Variants in SCN10A observed in about 807,000 individuals in gnomAD.
SCN10A encodes the protein sodium voltage-gated channel alpha subunit 10, also known as sodium channel protein type 10 subunit alpha.
Under a neutral mutation model 170.7 loss-of-function variants are expected in SCN10A, and 162 were observed. The observed-to-expected ratio is 0.95, with a 90% CI of 0.84 to 1.08. SCN10A has a LOEUF of 1.08. Ranked by LOEUF, SCN10A falls within the 50% of genes least tolerant of loss-of-function variation. The pLI is 0.00. For synonymous variants in SCN10A, 985 were observed against 904.6 expected (o/e 1.09, Z -1.59); for missense variants, 2,527 against 2,436.9 (o/e 1.04, Z -0.78).
chr3:38,726,629 G>T lies in SCN10A; in HGVS notation c.3064C>A (p.Gln1022Lys). Residue 1022 changes from glutamine (Q) to lysine (K), a missense_variant, in exon 17 of 28, where the codon CAG (glutamine) becomes AAG (lysine). Coordinates refer to ENST00000449082, the MANE Select transcript of SCN10A (RefSeq NM_006514.4). ...DGGEDAQSFQ[Q>K]EVIPKGQQEQ... ...ACCTGTCCTTTGGGGATCACTTCCT[G>T]CTGGAAGCTCTGAGCATCTTCCCCA... 1 of 1,593,312 alleles carries T rather than the reference G, an allele frequency of 6.3e-7. No individual in the cohort carries two copies. Among genetic ancestry groups the T allele is most frequent in the Non-Finnish European group, 8.6e-7 (1 of 1,164,596 alleles).
chr3:38,770,703 C>G (rs2063988699), intron 5 of SCN10A, among the ~76,000 whole-genome samples: 1 of 152,006 alleles, frequency 6.6e-6, no homozygotes, highest in Admixed American at 6.6e-5. Flanking sequence ...TCCCATTTGC[C>G]CCCTGGATTC....
intron 8 of SCN10A, among the ~76,000 whole-genome samples, chr3:38,760,258 C>T (rs2063853772): frequency 6.6e-6 from 1 of 152,174 alleles, no homozygotes. Context: ...CACTGTTTTT[C>T]TGGGAACACT....
intron 3 of SCN10A, among the ~76,000 whole-genome samples, chr3:38,790,979 A>G (rs761559688): frequency 6.6e-6 from 1 of 152,210 alleles, no homozygotes; most frequent in Non-Finnish European, 1.5e-5. Flanking sequence ...ACGTAATGCA[A>G]CTTCATCAAG....
At chr3:38,786,777 C>T (rs1037442433) in intron 4 of SCN10A, among the ~76,000 whole-genome samples, 4 of 151,926 alleles carry the variant, frequency 2.6e-5, no homozygotes, top group Non-Finnish European at 5.9e-5. Context: ...TTTTGAAGAC[C>T]GCCTTTTCCC....
At chr3:38,723,104 G>C (rs2063412098) in intron 19 of SCN10A, among the ~76,000 whole-genome samples, 1 of 152,158 alleles carries the variant, frequency 6.6e-6, no homozygotes, top group Non-Finnish European at 1.5e-5. Flanking sequence ...CAAATCAAGA[G>C]TTTTCAGTGG....
intron 25 of SCN10A, among the ~76,000 whole-genome samples, chr3:38,709,106 A>G (rs964490844): frequency 1.3e-5 from 2 of 152,088 alleles, no homozygotes; most frequent in Non-Finnish European, 2.9e-5. Context: ...GCCTTTCCTG[A>G]GGTGCCCTGA....
rs533862692 is a variant in SCN10A, at chr3:38,767,525, G to A, written c.599+3754C>T. Among the ~76,000 whole-genome samples the A allele has an allele frequency of 3.3e-5, 5 of 151,970 alleles. No homozygotes were observed. In the East Asian group the frequency reaches 9.6e-4, roughly 29 times the overall value. On this transcript the variant is annotated intron_variant, in intron 5 of 27. Coordinates refer to ENST00000449082, the MANE Select transcript of SCN10A (RefSeq NM_006514.4). ...AGATCATTCAAGAGCAGATTGTTTA[G>A]TTTTCATGTATTTGTATAGTTTTGA...
chr3:38,801,070 C>T (rs182422056), intron 1 of SCN10A, among the ~76,000 whole-genome samples: 2 of 152,092 alleles, frequency 1.3e-5, no homozygotes, highest in Non-Finnish European at 2.9e-5. Flanking sequence ...ATAAGGGTGA[C>T]AGTGAGGGTC....
chr3:38,781,396 C>T (rs569798035), intron 4 of SCN10A, among the ~76,000 whole-genome samples: 2 of 152,212 alleles, frequency 1.3e-5, no homozygotes, highest in African/African-American at 2.4e-5. Context: ...AACTGCAAGG[C>T]CTGCAGCTGG....
rs1438943055 is a variant in SCN10A, at chr3:38,760,696, T to C, written c.935A>G (p.Asn312Ser). ...RGTSDPLLCG[N>S]GSDSGHCPDG... is the part of the protein sequence containing the mutation. ...GGGAACTCACCCTGAGTCAGATCCA[T>C]TGCCACACAGTAAGGGGTCAGAAGT... Residue 312 changes from asparagine (N) to serine (S), a missense_variant, in exon 8 of 28, where the codon AAT becomes AGT. Transcript: ENST00000449082. 3.7e-6 allele frequency: 6 copies of C among 1,613,906 alleles called. No individual in the cohort carries two copies. In the East Asian group the frequency reaches 1.3e-4, roughly 36 times the overall value.
intron 15 of SCN10A, among the ~76,000 whole-genome samples, chr3:38,735,909 G>A (rs1464297527): frequency 6.6e-6 from 1 of 152,180 alleles, no homozygotes; most frequent in Non-Finnish European, 1.5e-5. Context: ...CTAGGCCCTT[G>A]GGATAAAACG....
chr3:38,793,415 G>A (rs1347669940), intron 2 of SCN10A, among the ~76,000 whole-genome samples: 17 of 152,020 alleles, frequency 1.1e-4, no homozygotes, highest in Admixed American at 1.1e-3. Context: ...CAAGATGTCT[G>A]CTCTCCACCT....
At chr3:38,812,294 T>G (rs751657544) in intron 1 of SCN10A, among the ~76,000 whole-genome samples, 1 of 152,216 alleles carries the variant, frequency 6.6e-6, no homozygotes, top group Non-Finnish European at 1.5e-5. Flanking sequence ...ATTAACCCAT[T>G]TCTGCAGAGA....
At position 38,783,171 on chromosome 3, in the gene SCN10A, C is replaced by A. The variant is rs143303688; in HGVS notation, c.470+5785G>T. Among the ~76,000 whole-genome samples the A allele has an allele frequency of 5.0e-3, 754 of 152,162 alleles. 26 individuals are homozygous for A. The highest frequency in any genetic ancestry group is 0.043 in the Admixed American group (659 of 15,262). ...CTTAGAGGCCCAATCTCCAACATAGCAACATGGGGGGTTTGTTTCAACATT... is the reference window on the plus strand; with the variant it reads ...CTTAGAGGCCCAATCTCCAACATAGAAACATGGGGGGTTTGTTTCAACATT... On this transcript the variant is annotated intron_variant, in intron 4 of 27. Coordinates refer to ENST00000449082, the MANE Select transcript of SCN10A (RefSeq NM_006514.4).
chr3:38,746,173 T>C (rs947635741), intron 13 of SCN10A, among the ~76,000 whole-genome samples: 4 of 148,868 alleles, frequency 2.7e-5, no homozygotes, highest in Non-Finnish European at 4.5e-5. Flanking sequence ...CCTACCTAGA[T>C]GCTCCAAGGG....
At chr3:38,752,078 C>A (rs2063752673) in intron 12 of SCN10A, 141 bp downstream of exon 12, 7 of 666,218 alleles carry the variant, frequency 1.1e-5, no homozygotes, top group Non-Finnish European at 1.6e-5. Context: ...TCTTCTATGT[C>A]TGTAAAAAAG....
chr3:38,753,760 T>G (rs2063773636), intron 11 of SCN10A, among the ~76,000 whole-genome samples: 1 of 152,228 alleles, frequency 6.6e-6, no homozygotes, highest in African/African-American at 2.4e-5. Context: ...AAATTTTGGT[T>G]GCATATTTGA....
chr3:38,770,698 T>C (rs1428263277), intron 5 of SCN10A, among the ~76,000 whole-genome samples: 1 of 152,120 alleles, frequency 6.6e-6, no homozygotes, highest in African/African-American at 2.4e-5. Context: ...GCAGTTCCCA[T>C]TTGCCCCCTG....
chr3:38,771,227 A>T, intron 5 of SCN10A, 52 bp downstream of exon 5: 1 of 1,598,544 alleles, frequency 6.3e-7, no homozygotes, highest in Non-Finnish European at 8.5e-7. Flanking sequence ...CCTACCCACC[A>T]TTTTGTCCCC....
Sources: gnomAD v4.1 joint callset for allele counts (sites outside exome capture counted in the v4.1 genomes callset) on GRCh38, gnomAD v4.1.1 for gene constraint, MANE v1.5 for transcripts, NCBI Gene and HGNC (gene_info 2026-07-23, HGNC 2026-07-21) for gene names.